TRAK1: variants seen among roughly 807,000 people sequenced by gnomAD.
The protein encoded by TRAK1 is trafficking kinesin protein 1.
TRAK1 carries 33 observed loss-of-function variants against 92.1 expected under a neutral mutation model. The ratio of observed to expected loss-of-function variants is 0.36; its 90% CI spans 0.27 to 0.48. The LOEUF (loss-of-function observed/expected upper bound fraction) is 0.48, where lower values mean the gene tolerates loss of function less well. Ranked by LOEUF, TRAK1 falls within the 20% of genes least tolerant of loss-of-function variation. The probability of loss-of-function intolerance (pLI) is 0.99; values close to 1 mark genes in which losing one functional copy is unlikely to be tolerated. For synonymous variants in TRAK1, 521 were observed against 517.3 expected (o/e 1.01, Z -0.10); for missense variants, 1,123 against 1,257.9 (o/e 0.89, Z 1.62).
At chr3:42,125,336 C>A in intron 1 of TRAK1, 84 bp from the exon 2 acceptor site, 1 of 1,279,922 alleles carries the variant, frequency 7.8e-7, no homozygotes, top group Non-Finnish European at 1.1e-6. Context: ...CCGAAGATAC[C>A]TGCCGCAGGC....
At chr3:42,041,374 A>G (rs964659088) in intron 1 of TRAK1, among the ~76,000 whole-genome samples, 10 of 152,004 alleles carry the variant, frequency 6.6e-5, no homozygotes, top group African/African-American at 1.2e-4. Flanking sequence ...TTTTGATGTT[A>G]TTATAAATGG....
At chr3:42,143,987 T>C (rs148009797) in intron 2 of TRAK1, among the ~76,000 whole-genome samples, 1 of 152,310 alleles carries the variant, frequency 6.6e-6, no homozygotes, top group East Asian at 1.9e-4. Context: ...ATTTATACAT[T>C]GTTTTGTTTC....
At chr3:42,085,983 G>A (rs1443223923), upstream of TRAK1, among the ~76,000 whole-genome samples, 4 of 152,186 alleles carry the variant, frequency 2.6e-5, no homozygotes, top group Non-Finnish European at 4.4e-5. Context: ...CTCTGAACTA[G>A]TCTCAGGAAA....
rs1306453145 is a variant in TRAK1 at position 42,225,601 on chromosome 3, A to G, written c.*1864A>G. 2 of 152,252 alleles carry G rather than the reference A, an allele frequency of 1.3e-5. No homozygotes were observed. Among genetic ancestry groups the G allele is most frequent in the South Asian group, 2.1e-4 (1 of 4,826 alleles). The allele number at this position is 152,252 out of a possible 1,614,324, so 9.4% of individuals were successfully genotyped here. On this transcript the variant is annotated 3_prime_UTR_variant, in exon 16 of 16. Transcript: ENST00000327628. The stretch of plus-strand genomic sequence containing the variant: ...GAGAGAGAAGCCACTCATCATTGCC[A>G]GAAATACCATGTAAAAATTGGCAGT...
intron 9 of TRAK1, among the ~76,000 whole-genome samples, chr3:42,194,445 C>G (rs1002382700): frequency 6.6e-6 from 1 of 151,884 alleles, no homozygotes; most frequent in Non-Finnish European, 1.5e-5. Context: ...CCATGTCGCC[C>G]AGGCTGGTCT....
intron 1 of TRAK1, among the ~76,000 whole-genome samples, chr3:42,021,402 A>G (rs1487138219): frequency 2.6e-5 from 4 of 152,304 alleles, no homozygotes; most frequent in African/African-American, 7.2e-5. Context: ...TCATTCATTA[A>G]TTAAAAAGTA....
rs141089285 is a variant in TRAK1, at chr3:42,129,812, G to GT, written c.286+4201dup. ...TACCTAGCAAGGTGAGTCAGACCTA[G>GT]TTTGTCTGGTCTGACTCCATCTCTT... On this transcript the variant is annotated intron_variant, in intron 2 of 15. Coordinates refer to ENST00000327628, the MANE Select transcript of TRAK1 (RefSeq NM_001042646.3). Among the ~76,000 whole-genome samples the GT allele has an allele frequency of 5.2e-3, 786 of 152,158 alleles. 6 individuals carry two copies. Among genetic ancestry groups the GT allele is most frequent in the Admixed American group, 8.0e-3 (123 of 15,284 alleles).
intron 1 of TRAK1, among the ~76,000 whole-genome samples, chr3:42,112,754 A>G (rs1259116818): frequency 2.2e-5 from 3 of 133,498 alleles, no homozygotes; most frequent in East Asian, 2.3e-4. Context: ...AAAAAAAAAA[A>G]AACCAACTAA....
At chr3:42,149,272 G>C in intron 2 of TRAK1, 2 of 1,355,588 alleles carry the variant, frequency 1.5e-6, no homozygotes, top group Non-Finnish European at 1.9e-6. Flanking sequence ...TATTGGCAGT[G>C]CTGCCAGGGT....
intron 1 of TRAK1, among the ~76,000 whole-genome samples, chr3:42,048,000 A>G (rs1348407570): frequency 3.3e-5 from 5 of 151,274 alleles, no homozygotes; most frequent in African/African-American, 1.2e-4. Context: ...TATAAGATAA[A>G]TCCTTCTACA....
intron 2 of TRAK1, among the ~76,000 whole-genome samples, chr3:42,135,979 G>A (rs954322619): frequency 2.0e-5 from 3 of 152,150 alleles, no homozygotes; most frequent in Middle Eastern, 3.2e-3. Flanking sequence ...GTGGACATGC[G>A]CCAGGCCCTC....
chr3:42,041,551 G>A (rs1037813823), intron 1 of TRAK1, among the ~76,000 whole-genome samples: 4 of 148,990 alleles, frequency 2.7e-5, no homozygotes, highest in African/African-American at 9.8e-5. Flanking sequence ...ATAATGTCAT[G>A]TACAAATGGT....
Position 42,223,869 on chromosome 3 carries a change from A to G in TRAK1, c.*132A>G. On this transcript the variant is annotated 3_prime_UTR_variant, in exon 16 of 16. Transcript: ENST00000327628. The surrounding 1 kb of genome is among the most constrained non-coding windows in gnomAD (Gnocchi z 6.1). ...GTCCACCCCCTCCTAAGCTAGACAA[A>G]TCAACCTCGTGCCTAATGGAGGAAG... The G allele has an allele frequency of 9.4e-7, 1 of 1,068,056 alleles. No individual in the cohort carries two copies. The highest frequency in any genetic ancestry group is 1.3e-6 in the Non-Finnish European group (1 of 740,844). The allele number at this position is 1,068,056 out of a possible 1,614,324, so 66.2% of individuals were successfully genotyped here. A position where few individuals can be genotyped will look rare whatever the true frequency, so the allele number is the denominator to read the frequency against.
chr3:42,173,893 T>A (rs1406257745), intron 2 of TRAK1, among the ~76,000 whole-genome samples: 1 of 151,900 alleles, frequency 6.6e-6, no homozygotes, highest in Non-Finnish European at 1.5e-5. Flanking sequence ...CTACCGAGAG[T>A]CTGTTATTTT....
chr3:42,224,616 A>G lies in TRAK1; in HGVS notation c.*879A>G, dbSNP rs1295553280. 2 of 152,270 alleles carry G rather than the reference A, an allele frequency of 1.3e-5. No individual in the cohort carries two copies. Among genetic ancestry groups the G allele is most frequent in the East Asian group, 3.9e-4 (2 of 5,186 alleles). 9.4% of individuals were successfully genotyped at this position (152,270 alleles called of 1,614,324 possible). On this transcript the variant is annotated 3_prime_UTR_variant, in exon 16 of 16. Coordinates refer to ENST00000327628, the MANE Select transcript of TRAK1 (RefSeq NM_001042646.3). ...AATGAGATAGCAGCTTTTTTCTGGG[A>G]CCCAGAGTCACAACCAAATTGATTT... is the stretch of plus-strand genomic sequence containing the variant.
Position 42,091,376 on chromosome 3 carries a change from C to A in TRAK1, c.-94C>A. ...AAACTCAGAAAACTGCTGAGGAAGG[C>A]ACGGGAGGGTGGCTGTGCGAGGTAC... On this transcript the variant is annotated 5_prime_UTR_variant, in exon 1 of 16. Coordinates refer to ENST00000327628, the MANE Select transcript of TRAK1 (RefSeq NM_001042646.3). 9.0e-7 allele frequency: 1 copy of A among 1,112,842 alleles called. No homozygotes were observed. The highest frequency in any genetic ancestry group is 1.3e-6 in the Non-Finnish European group (1 of 758,956). 68.9% of individuals were successfully genotyped at this position (1,112,842 alleles called of 1,614,324 possible).
At chr3:42,077,282 G>A (rs564914287) in intron 1 of TRAK1, among the ~76,000 whole-genome samples, 18 of 152,286 alleles carry the variant, frequency 1.2e-4, no homozygotes, top group African/African-American at 3.8e-4. Context: ...AGCATGGAAA[G>A]TGTTTCTTTT....
At chr3:42,085,998 A>G (rs1704652169), upstream of TRAK1, among the ~76,000 whole-genome samples, 1 of 152,224 alleles carries the variant, frequency 6.6e-6, no homozygotes, top group African/African-American at 2.4e-5. Flanking sequence ...AGGAAACTCC[A>G]GGGATTCTCA....
At chr3:42,155,534 T>A (rs1700441109) in intron 2 of TRAK1, among the ~76,000 whole-genome samples, 1 of 152,140 alleles carries the variant, frequency 6.6e-6, no homozygotes, top group Non-Finnish European at 1.5e-5. Flanking sequence ...GTTAGCAGCT[T>A]GTTTTGTCTG....
Sources: allele counts gnomAD v4.1 joint callset (sites outside exome capture counted in the v4.1 genomes callset), GRCh38; gene constraint gnomAD v4.1.1; non-coding constraint Gnocchi (gnomAD v3.1); transcripts MANE v1.5; gene names NCBI Gene and HGNC (gene_info 2026-07-23, HGNC 2026-07-21).